MS4A12: variants seen among roughly 807,000 people sequenced by gnomAD.
The protein encoded by MS4A12 is membrane-spanning 4-domains subfamily A member 12.
In MS4A12, 28 loss-of-function variants were observed where a neutral mutation model predicts 23.7. The observed-to-expected ratio is 1.18, with a 90% CI of 0.88 to 1.62. MS4A12 has a LOEUF of 1.62. Ranked by LOEUF, MS4A12 falls within the 40% of genes most tolerant of loss-of-function variation. MS4A12 has a pLI of 0.00. For missense variants in MS4A12, 342 were observed against 327.0 expected (o/e 1.05, Z -0.35); for synonymous variants, 108 against 110.1 (o/e 0.98, Z 0.12).
chr11:60,497,160 T>C (rs558599334), intron 1 of MS4A12, among the ~76,000 whole-genome samples, 153 bp from the exon 2 acceptor site: 4 of 152,248 alleles, frequency 2.6e-5, no homozygotes, highest in Non-Finnish European at 5.9e-5. Context: ...TGGGGACTTA[T>C]GAGAATCATG....
At position 60,497,531 on chromosome 11, in the gene MS4A12, A is replaced by C; in HGVS notation, c.213A>C (p.Gln71His). 6.2e-7 allele frequency: 1 copy of C among 1,614,054 alleles called. No individual in the cohort carries two copies. Among genetic ancestry groups the C allele is most frequent in the South Asian group, 1.1e-5 (1 of 91,072 alleles). ...ASSQPGQGNI[Q>H]MINPSVGTAV... ...GTCAACCGGGTCAAGGAAATATACAAATGATAAATCCAAGTGTGGGAACAG... is the reference window on the plus strand; with the variant it reads ...GTCAACCGGGTCAAGGAAATATACACATGATAAATCCAAGTGTGGGAACAG... The change falls in exon 2 of 7, where the codon CAA becomes CAC. Residue 71 changes from glutamine to histidine, a missense_variant. Gln to His is a conservative substitution (Grantham distance 24). Transcript: ENST00000016913.
intron 5 of MS4A12, among the ~76,000 whole-genome samples, chr11:60,504,317 C>T (rs570185540): frequency 1.3e-5 from 2 of 152,204 alleles, no homozygotes; most frequent in East Asian, 1.9e-4. Flanking sequence ...CATTCATTAG[C>T]CTTATATAGC....
In MS4A12 at chr11:60,497,577, G is replaced by A. The variant is rs1008737024; in HGVS notation, c.259G>A (p.Glu87Lys). 1.1e-5 allele frequency: 17 copies of A among 1,613,976 alleles called. No homozygotes were observed. Among genetic ancestry groups the A allele is most frequent in the Non-Finnish European group, 1.4e-5 (16 of 1,179,956 alleles). Residue 87 changes from glutamate to lysine, a missense_variant, in exon 2 of 7, where the codon GAA becomes AAA. Glu to Lys is a moderately conservative substitution (Grantham distance 56, BLOSUM62 1). Transcript: ENST00000016913. ...AACAGCAGTAATGAACTTTAAAGAA[G>A]AAGCAAAGGCACTAGGGGTAAGTCT... ...VGTAVMNFKEEAKALGVIQIM... is the reference protein window; with the variant it reads ...VGTAVMNFKEKAKALGVIQIM...
At position 60,493,300 on chromosome 11, in the gene MS4A12, C is replaced by T. The variant is rs547288318; in HGVS notation, c.-7+472C>T. Among the ~76,000 whole-genome samples the T allele has an allele frequency of 4.7e-5, 7 of 150,132 alleles. No homozygotes were observed. The East Asian group carries it at 5.9e-4, about 13-fold the overall frequency. On this transcript the variant is annotated intron_variant, in intron 1 of 6. Coordinates refer to ENST00000016913, the MANE Select transcript of MS4A12 (RefSeq NM_017716.3). Reference sequence around the variant, plus strand: ...CTGAGGCAGGAGAATCACGTGAACTCGGGAGGCGGAGGTTGCAGTGAGCCG... The same window carrying T: ...CTGAGGCAGGAGAATCACGTGAACTTGGGAGGCGGAGGTTGCAGTGAGCCG...
At chr11:60,497,273 T>C (rs775030832) in intron 1 of MS4A12, 40 bp from the exon 2 acceptor site, 12 of 1,537,812 alleles carry the variant, frequency 7.8e-6, no homozygotes, top group Middle Eastern at 3.5e-4. Context: ...GTTTCTTTTC[T>C]GGATAAACGT....
chr11:60,501,895 C>A, intron 3 of MS4A12, 88 bp from the exon 4 acceptor site: 3 of 1,242,388 alleles, frequency 2.4e-6, no homozygotes, highest in Non-Finnish European at 2.3e-6. Flanking sequence ...ACTAGATGAA[C>A]ATAAATAGAC....
intron 3 of MS4A12, 139 bp from the exon 4 acceptor site, chr11:60,501,844 C>T: frequency 1.4e-6 from 1 of 721,222 alleles, no homozygotes. Flanking sequence ...GAGAGTTACT[C>T]CAGAAAATTC....
intron 4 of MS4A12, 69 bp downstream of exon 4, chr11:60,502,108 G>A (rs1357677895): frequency 6.2e-6 from 9 of 1,463,122 alleles, no homozygotes; most frequent in Non-Finnish European, 8.5e-6. Flanking sequence ...GAGGAAAATT[G>A]AAAAGCTGGA....
rs1393377065 is a variant in MS4A12, at chr11:60,503,784, C to A, written c.555C>A (p.Ile185=). 6.2e-7 allele frequency: 1 copy of A among 1,613,954 alleles called. No individual in the cohort carries two copies. Among genetic ancestry groups the A allele is most frequent in the South Asian group, 1.1e-5 (1 of 91,058 alleles). The change falls in exon 5 of 7, where the codon ATC becomes ATA. Residue 185 remains isoleucine, a synonymous_variant. Coordinates refer to ENST00000016913, the MANE Select transcript of MS4A12 (RefSeq NM_017716.3). ...TTCTGCTGCTGGTGGATATGTGCATCAATGGGGTAGCTGGCCAAGACTACT... is the reference window on the plus strand; with the variant it reads ...TTCTGCTGCTGGTGGATATGTGCATAAATGGGGTAGCTGGCCAAGACTACT... The part of the protein sequence containing the change: ...GVILLLVDMC[I]NGVAGQDYWA...
At position 60,506,914 on chromosome 11, in the gene MS4A12, A is replaced by G; in HGVS notation, c.699+76A>G. The G allele has an allele frequency of 3.3e-6, 5 of 1,535,184 alleles. No individual in the cohort carries two copies. In the Admixed American group the frequency reaches 6.7e-5, roughly 21 times the overall value. ...TACAGACTTGTGTCTGCTAAATCCTACTATCGGCTTACCAGAATGCTCTTT... is the reference window on the plus strand; with the variant it reads ...TACAGACTTGTGTCTGCTAAATCCTGCTATCGGCTTACCAGAATGCTCTTT... On this transcript the variant is annotated intron_variant, in intron 6 of 6. Coordinates refer to ENST00000016913, the MANE Select transcript of MS4A12 (RefSeq NM_017716.3).
chr11:60,497,180 G>A, intron 1 of MS4A12, 133 bp from the exon 2 acceptor site: 2 of 1,062,132 alleles, frequency 1.9e-6, no homozygotes, highest in Non-Finnish European at 2.7e-6. Flanking sequence ...GTTTCTATCA[G>A]TTGTTATGGC....
chr11:60,502,214 G>T (rs1481693243), intron 4 of MS4A12, among the ~76,000 whole-genome samples, 175 bp downstream of exon 4: 1 of 152,176 alleles, frequency 6.6e-6, no homozygotes, highest in Non-Finnish European at 1.5e-5. Flanking sequence ...CACACAGTTT[G>T]CCACTAAGAA....
intron 1 of MS4A12, among the ~76,000 whole-genome samples, chr11:60,494,139 A>G (rs2086470714): frequency 6.6e-6 from 1 of 152,248 alleles, no homozygotes; most frequent in Admixed American, 6.5e-5. Flanking sequence ...GAATAATTAA[A>G]GAATCAGAAC....
intron 1 of MS4A12, 50 bp from the exon 2 acceptor site, chr11:60,497,263 G>C (rs925214632): frequency 1.3e-6 from 2 of 1,523,486 alleles, no homozygotes; most frequent in Non-Finnish European, 1.8e-6. Flanking sequence ...ATTTTCTTTA[G>C]TTTCTTTTCT....
rs1055863301 is a variant in MS4A12 at position 60,502,140 on chromosome 11, C to A, written c.471+101C>A. 3.2e-4 allele frequency: 377 copies of A among 1,178,926 alleles called. 3 individuals are homozygous for A. The highest frequency in any genetic ancestry group is 5.9e-4 in the Middle Eastern group (3 of 5,056). 73.0% of individuals were successfully genotyped at this position (1,178,926 alleles called of 1,614,324 possible). ...TGGATTTGGGAAATGCAAAAGGGAG[C>A]ACCTTTCCCAAAAAAAATCTATTGG... On this transcript the variant is annotated intron_variant, in intron 4 of 6. Transcript: ENST00000016913.
chr11:60,497,281 CG>C (rs2086494474), intron 1 of MS4A12, 31 bp from the exon 2 acceptor site: 2 of 1,558,892 alleles, frequency 1.3e-6, no homozygotes, highest in African/African-American at 1.4e-5. Context: ...TCTGGATAAA[CG>C]TATCACTTTT....
intron 5 of MS4A12, among the ~76,000 whole-genome samples, chr11:60,505,310 G>T (rs1400946540): frequency 6.6e-6 from 1 of 152,050 alleles, no homozygotes; most frequent in Non-Finnish European, 1.5e-5. Context: ...GCATGGGAAA[G>T]ACCCACCCCA....
chr11:60,497,636 A>G (rs2086499442), intron 2 of MS4A12, 42 bp downstream of exon 2: 1 of 1,593,994 alleles, frequency 6.3e-7, no homozygotes, highest in African/African-American at 1.3e-5. Context: ...CACATTTGCA[A>G]GGTCTTCTTA....
Position 60,502,040 on chromosome 11 carries a change from G to T in MS4A12, c.471+1G>T, listed in dbSNP as rs1419523861. On this transcript the variant is annotated splice_donor_variant, in intron 4 of 6. Transcript: ENST00000016913. LOFTEE classifies it high-confidence loss of function. ...ATCCAAGGAGCTTTCCCGTTGTCTG[G>T]TAAGTTAGACTGTCTCTACTTTTTG... 3 of 1,609,098 alleles carry T rather than the reference G, an allele frequency of 1.9e-6. No individual in the cohort carries two copies. The highest frequency in any genetic ancestry group is 1.7e-6 in the Non-Finnish European group (2 of 1,175,584).
Sources: allele counts gnomAD v4.1 joint callset (sites outside exome capture counted in the v4.1 genomes callset), GRCh38; gene constraint gnomAD v4.1.1; transcripts MANE v1.5; gene names NCBI Gene and HGNC (gene_info 2026-07-23, HGNC 2026-07-21).